The following ERLN variants were observed in gnomAD, a reference collection of about 807,000 sequenced individuals.
ERLN encodes endoregulin, also known as small integral membrane protein 6.
At chr17:75,647,376 C>A in the ERLN span, 1 of 1,547,472 alleles carries the variant, frequency 6.5e-7, no homozygotes, top group Non-Finnish European at 8.7e-7. Flanking sequence ...TCCAGATTCT[C>A]ATGGACCAAC....
the ERLN span, chr17:75,647,485 C>T: frequency 6.5e-7 from 1 of 1,550,376 alleles, no homozygotes; most frequent in Non-Finnish European, 8.7e-7. Flanking sequence ...CGCTGTCCTG[C>T]TTCTCATCTT....
At chr17:75,647,660 G>A in the ERLN span, 2 of 1,212,590 alleles carry the variant, frequency 1.6e-6, no homozygotes, top group Non-Finnish European at 2.3e-6. Context: ...TCTGGCTCAG[G>A]GGCCAAGCCC....
the ERLN span, chr17:75,647,739 T>A: frequency 1.6e-6 from 1 of 644,706 alleles, no homozygotes; most frequent in Non-Finnish European, 2.7e-6. Context: ...TTGGTCAGAC[T>A]AGTAAGATGG....
At chr17:75,647,469 C>T in the ERLN span, 1 of 1,550,254 alleles carries the variant, frequency 6.5e-7, no homozygotes, top group Non-Finnish European at 8.7e-7. Flanking sequence ...TTATCTTATT[C>T]ATCACCGCTG....
At chr17:75,647,316 G>C in the ERLN span, 4 of 1,456,166 alleles carry the variant, frequency 2.7e-6, no homozygotes, top group Non-Finnish European at 3.7e-6. Flanking sequence ...CATAGCACCT[G>C]GGACAGGGCC....
At chr17:75,646,586 T>A in the ERLN span, 1 of 151,316 alleles carries the variant, frequency 6.6e-6, no homozygotes, top group South Asian at 2.1e-4. Flanking sequence ...CACCTTTGTT[T>A]GTTTGGTGAC....
the ERLN span, chr17:75,647,495 T>C: frequency 1.9e-6 from 3 of 1,550,392 alleles, no homozygotes; most frequent in Non-Finnish European, 2.6e-6. Context: ...CTTCTCATCT[T>C]ATTTGCCATC....
At chr17:75,647,567 C>T in the ERLN span, 1 of 1,549,862 alleles carries the variant, frequency 6.5e-7, no homozygotes, top group Non-Finnish European at 8.7e-7. Context: ...GAGGAGTGAC[C>T]TGACTTGCTG....
the ERLN span, chr17:75,646,595 ACAG>A: frequency 0.068 from 10,382 of 152,364 alleles, 399 homozygotes; most frequent in African/African-American, 0.092. Context: ...TTGTTTGGTG[ACAG>A]CAACTAAGGT....
chr17:75,647,351 C>T, the ERLN span: 2 of 1,533,408 alleles, frequency 1.3e-6, no homozygotes. Context: ...GCACTCAGGT[C>T]CTCTGTCCCT....
At chr17:75,646,649 C>T in the ERLN span, 1 of 152,378 alleles carries the variant, frequency 6.6e-6, no homozygotes, top group Non-Finnish European at 1.5e-5. Flanking sequence ...CTTTTCCTCT[C>T]AACAGTTGCT....
At chr17:75,647,918 A>G in the ERLN span, 5 of 220,740 alleles carry the variant, frequency 2.3e-5, no homozygotes, top group Non-Finnish European at 4.8e-5. Context: ...CAATTTCACA[A>G]ATCCTTGACA....
chr17:75,647,434 TG>T, the ERLN span: 7 of 1,550,146 alleles, frequency 4.5e-6, no homozygotes, highest in Non-Finnish European at 6.1e-6. Flanking sequence ...GCAGAACCCC[TG>T]GGACCAGGGG....
chr17:75,647,200 C>T, the ERLN span, among the ~76,000 whole-genome samples: 1 of 152,330 alleles, frequency 6.6e-6, no homozygotes, highest in South Asian at 2.1e-4. Flanking sequence ...TTGCTGCTGG[C>T]TGCAGGCATC....
At chr17:75,647,646 T>G in the ERLN span, 2 of 1,377,940 alleles carry the variant, frequency 1.5e-6, no homozygotes, top group East Asian at 5.0e-5. Context: ...CCTTCGCGGT[T>G]CCCTCTGGCT....
At chr17:75,647,308 T>C in the ERLN span, 214 of 1,411,260 alleles carry the variant, frequency 1.5e-4, no homozygotes, top group Non-Finnish European at 2.0e-4. Context: ...GGGCAGAGCA[T>C]AGCACCTGGG....
At chr17:75,647,737 A>G in the ERLN span, 1 of 654,876 alleles carries the variant, frequency 1.5e-6, no homozygotes, top group Admixed American at 3.1e-5. Flanking sequence ...GGTTGGTCAG[A>G]CTAGTAAGAT....
At chr17:75,647,673 G>A in the ERLN span, 1 of 1,068,844 alleles carries the variant, frequency 9.4e-7, no homozygotes, top group East Asian at 2.6e-5. Context: ...CCAAGCCCTG[G>A]TGTCTTCCTT....
At chr17:75,647,433 CT>C in the ERLN span, 3 of 1,550,134 alleles carry the variant, frequency 1.9e-6, no homozygotes, top group Non-Finnish European at 2.6e-6. Flanking sequence ...GGCAGAACCC[CT>C]GGGACCAGGG....
Sources: gnomAD v4.1 joint callset for allele counts (sites outside exome capture counted in the v4.1 genomes callset) on GRCh38, gnomAD v4.1.1 for gene constraint, MANE v1.5 for transcripts, NCBI Gene and HGNC (gene_info 2026-07-23, HGNC 2026-07-21) for gene names.